The following YTHDF3 variants were observed in gnomAD, a reference collection of about 807,000 sequenced individuals.
YTHDF3 encodes YTH domain-containing family protein 3.
YTHDF3 carries 9 observed loss-of-function variants against 52.5 expected under a neutral mutation model. The ratio of observed to expected loss-of-function variants is 0.17; its 90% confidence interval spans 0.10 to 0.30. The LOEUF is 0.30. YTHDF3 is among the 10% of genes least tolerant of loss of function. The pLI is 1.00. For synonymous variants in YTHDF3, 274 were observed against 243.3 expected (o/e 1.13, Z -1.18); for missense variants, 534 against 715.0 (o/e 0.75, Z 2.89).
At chr8:63,172,748 A>G (rs912133393) in intron 2 of YTHDF3, 2 of 1,231,420 alleles carry the variant, frequency 1.6e-6, no homozygotes, top group African/African-American at 1.5e-5. Context: ...CCCATGTTCT[A>G]TCTTGATTTG....
chr8:63,177,759 A>ATT (rs748461151), intron 3 of YTHDF3, among the ~76,000 whole-genome samples: 6 of 140,420 alleles, frequency 4.3e-5, no homozygotes, highest in South Asian at 2.3e-4. Flanking sequence ...TCAAACTCTT[A>ATT]TTTTTTTTTT....
In YTHDF3 at chr8:63,186,278, C is replaced by G; in HGVS notation, c.267C>G (p.Thr89=). ...AGDQPMPYLT[T]YGQMSNGEHH... The stretch of plus-strand genomic sequence containing the variant: ...ACCAGCCTATGCCATATCTGACAAC[C>G]TATGGACAAATGAGTAATGGAGAAC... Residue 89 remains threonine, a synonymous_variant, in exon 4 of 5, where the codon ACC becomes ACG. Transcript: ENST00000539294. 1 of 1,613,996 alleles carries G rather than the reference C, an allele frequency of 6.2e-7. No homozygotes were observed. Among genetic ancestry groups the G allele is most frequent in the Non-Finnish European group, 8.5e-7 (1 of 1,179,900 alleles).
intron 4 of YTHDF3, among the ~76,000 whole-genome samples, chr8:63,194,808 A>G (rs1359144255): frequency 6.6e-6 from 1 of 152,204 alleles, no homozygotes; most frequent in East Asian, 1.9e-4. Flanking sequence ...TTGAATAGTA[A>G]GTTTAGAAGG....
At chr8:63,180,139 G>A (rs1156523555) in intron 3 of YTHDF3, among the ~76,000 whole-genome samples, 1 of 151,980 alleles carries the variant, frequency 6.6e-6, no homozygotes, top group African/African-American at 2.4e-5. Flanking sequence ...CTTCTCAAAT[G>A]GGGTGGCTGC....
rs1488946816 is a variant in YTHDF3, at chr8:63,190,572, C to T, written c.1734+2827C>T. 2.0e-5 allele frequency among the ~76,000 whole-genome samples: 3 copies of T among 152,122 alleles called. No homozygotes were observed. In the South Asian group the frequency reaches 6.2e-4, roughly 31 times the overall value. ...AGCCTAAAGGTTTTTCTGTACATGG[C>T]GAACTATAACAAGTGGAGGTATAAA... On this transcript the variant is annotated intron_variant, in intron 4 of 4. Coordinates refer to ENST00000539294, the MANE Select transcript of YTHDF3 (RefSeq NM_152758.6).
intron 4 of YTHDF3, among the ~76,000 whole-genome samples, chr8:63,200,227 TC>T: frequency 6.6e-6 from 1 of 152,250 alleles, no homozygotes; most frequent in East Asian, 1.9e-4. Flanking sequence ...TATACTGTGT[TC>T]CTTGCCACAT....
At chr8:63,204,696 GCTT>G (rs778137662) in intron 4 of YTHDF3, among the ~76,000 whole-genome samples, 3 of 152,092 alleles carry the variant, frequency 2.0e-5, no homozygotes, top group Admixed American at 6.6e-5. Flanking sequence ...GTGTCTGATT[GCTT>G]CTTTTTTCAG....
chr8:63,188,697 ATATATTTTTTTT>A (rs1383125328), intron 4 of YTHDF3: 2 of 63,550 alleles, frequency 3.1e-5, no homozygotes, highest in Admixed American at 2.2e-4. Context: ...ATATATATAT[ATATATTTTTTTT>A]TTTTTTTTTT....
chr8:63,168,980 C>A, intron 1 of YTHDF3, 79 bp downstream of exon 1: 1 of 1,516,532 alleles, frequency 6.6e-7, no homozygotes, highest in Admixed American at 2.3e-5. Context: ...CGGCTCCTCC[C>A]CGTCGCCGCC....
At chr8:63,195,085 G>C (rs539420196) in intron 4 of YTHDF3, among the ~76,000 whole-genome samples, 1 of 152,310 alleles carries the variant, frequency 6.6e-6, no homozygotes, top group South Asian at 2.1e-4. Flanking sequence ...CTGTGGAGGA[G>C]CCAACCTGTC....
intron 4 of YTHDF3, chr8:63,188,993 G>C (rs536123571): frequency 6.6e-6 from 1 of 152,070 alleles, no homozygotes; most frequent in African/African-American, 2.4e-5. Context: ...TTACAGGCAT[G>C]AGCCACTGTG....
rs1465473646 is a variant in YTHDF3 at position 63,179,617 on chromosome 8, T to C, written c.135+4201T>C. ...AAATGAAAAGTCTCCCATGTCTACCTCTTTCTACACAGACACGGCAACCAT... is the reference window on the plus strand; with the variant it reads ...AAATGAAAAGTCTCCCATGTCTACCCCTTTCTACACAGACACGGCAACCAT... On this transcript the variant is annotated intron_variant, in intron 3 of 4. Coordinates refer to ENST00000539294, the MANE Select transcript of YTHDF3 (RefSeq NM_152758.6). Among the ~76,000 whole-genome samples the C allele has an allele frequency of 3.3e-5, 5 of 152,286 alleles. No individual in the cohort carries two copies. The East Asian group carries it at 9.7e-4, about 29-fold the overall frequency.
chr8:63,201,666 T>G lies in YTHDF3; in HGVS notation c.1735-8017T>G, dbSNP rs569006284. 3.3e-5 allele frequency among the ~76,000 whole-genome samples: 5 copies of G among 152,308 alleles called. No homozygotes were observed. The South Asian group carries it at 8.3e-4, about 25-fold the overall frequency. On this transcript the variant is annotated intron_variant, in intron 4 of 4. Transcript: ENST00000539294. ...ATTGAAAGGTGATTCAACTCTGGTA[T>G]TGGCTGCATTTGACGCGCTTGATAT... is the stretch of plus-strand genomic sequence containing the variant.
At chr8:63,207,035 A>G (rs971651193) in intron 4 of YTHDF3, among the ~76,000 whole-genome samples, 3 of 152,094 alleles carry the variant, frequency 2.0e-5, no homozygotes, top group African/African-American at 4.8e-5. Context: ...CTCAATCTGT[A>G]TTTTTGCTAA....
chr8:63,179,253 G>A (rs1772032507), intron 3 of YTHDF3, among the ~76,000 whole-genome samples: 1 of 151,364 alleles, frequency 6.6e-6, no homozygotes, highest in East Asian at 1.9e-4. Context: ...TCATTCTTGG[G>A]TGTTTCTCGC....
At chr8:63,169,354 C>T (rs1435934034) in intron 1 of YTHDF3, 33 bp from the exon 2 acceptor site, 7 of 1,592,570 alleles carry the variant, frequency 4.4e-6, no homozygotes, top group East Asian at 2.2e-5. Flanking sequence ...TCCTTTTTCT[C>T]CTCTTTACCG....
At chr8:63,172,356 A>G (rs2129964697) in intron 2 of YTHDF3, among the ~76,000 whole-genome samples, 1 of 152,294 alleles carries the variant, frequency 6.6e-6, no homozygotes, top group East Asian at 1.9e-4. Flanking sequence ...TAGCAAATTC[A>G]TGGAACAGGA....
intron 4 of YTHDF3, among the ~76,000 whole-genome samples, chr8:63,199,935 T>G (rs963926793): frequency 6.6e-6 from 1 of 152,214 alleles, no homozygotes; most frequent in Non-Finnish European, 1.5e-5. Context: ...AATTGCTGTC[T>G]CAGTTATTTA....
intron 4 of YTHDF3, among the ~76,000 whole-genome samples, chr8:63,192,610 G>T (rs1357084598): frequency 6.6e-6 from 1 of 152,154 alleles, no homozygotes; most frequent in East Asian, 1.9e-4. Flanking sequence ...TTAGCCTTGT[G>T]TAGGCAGAAT....
Sources: allele counts gnomAD v4.1 joint callset (sites outside exome capture counted in the v4.1 genomes callset), GRCh38; gene constraint gnomAD v4.1.1; transcripts MANE v1.5; gene names NCBI Gene and HGNC (gene_info 2026-07-23, HGNC 2026-07-21).